TANC1: variants seen among roughly 807,000 people sequenced by gnomAD.
The protein encoded by TANC1 is protein TANC1.
In TANC1, 77 loss-of-function variants were observed where a neutral mutation model predicts 149.7. The observed-to-expected ratio is 0.51, with a 90% CI of 0.43 to 0.62. The LOEUF (loss-of-function observed/expected upper bound fraction) is 0.62, where lower values mean the gene tolerates loss of function less well. Ranked by LOEUF, TANC1 falls within the 20% of genes least tolerant of loss-of-function variation. The probability of loss-of-function intolerance (pLI) is 0.00; values close to 1 mark genes in which losing one functional copy is unlikely to be tolerated. For synonymous variants in TANC1, 854 were observed against 925.0 expected (o/e 0.92, Z 1.39); for missense variants, 1,985 against 2,321.8 (o/e 0.85, Z 2.98).
intron 2 of TANC1, among the ~76,000 whole-genome samples, chr2:159,059,670 G>T (rs1056341760): frequency 6.6e-6 from 1 of 152,052 alleles, no homozygotes; most frequent in African/African-American, 2.4e-5. Context: ...AGTCATATTG[G>T]CAAGGTCTCT....
At chr2:159,000,541 AG>A (rs1009750406) in intron 1 of TANC1, among the ~76,000 whole-genome samples, 3 of 152,020 alleles carry the variant, frequency 2.0e-5, no homozygotes, top group Non-Finnish European at 4.4e-5. Flanking sequence ...TTTCGGGCCC[AG>A]GGTATAGGTG....
At chr2:159,074,685 T>C (rs1019131480) in intron 3 of TANC1, among the ~76,000 whole-genome samples, 4 of 152,212 alleles carry the variant, frequency 2.6e-5, no homozygotes, top group African/African-American at 9.6e-5. Context: ...TAAAAATATT[T>C]TGATTTTTGA....
chr2:159,226,068 G>T, intron 24 of TANC1: 1 of 378,702 alleles, frequency 2.6e-6, no homozygotes, highest in Non-Finnish European at 4.9e-6. Context: ...TACTCGGGAG[G>T]CTGAGGCAGG....
intron 4 of TANC1, among the ~76,000 whole-genome samples, chr2:159,124,694 T>G (rs1305969503): frequency 6.6e-6 from 1 of 152,212 alleles, no homozygotes. Context: ...TTCAATTGTT[T>G]GTAGCTATTT....
At chr2:159,094,522 A>T (rs1050202433) in intron 3 of TANC1, among the ~76,000 whole-genome samples, 6 of 152,172 alleles carry the variant, frequency 3.9e-5, no homozygotes, top group African/African-American at 1.4e-4. Flanking sequence ...GTCAGAGGGC[A>T]TCCGGCTCCA....
chr2:159,215,586 C>T (rs1162965957), intron 19 of TANC1, among the ~76,000 whole-genome samples: 2 of 152,214 alleles, frequency 1.3e-5, no homozygotes, highest in Non-Finnish European at 2.9e-5. Flanking sequence ...TGTGTGCAGA[C>T]ACCAGCATCA....
rs139674568 is a variant in TANC1 at position 159,136,692 on chromosome 2, A to T, written c.364+394A>T. 6.0e-5 allele frequency among the ~76,000 whole-genome samples: 9 copies of T among 150,928 alleles called. No homozygotes were observed. In the East Asian group the frequency reaches 1.6e-3, roughly 27 times the overall value. On this transcript the variant is annotated intron_variant, in intron 5 of 26. Transcript: ENST00000263635. ...AGCTGAAACCTTAACTGGACAAAGCATGTAATTGCTAGCTTTAAAAAAAGC... is the reference window on the plus strand; with the variant it reads ...AGCTGAAACCTTAACTGGACAAAGCTTGTAATTGCTAGCTTTAAAAAAAGC...
At chr2:158,986,394 G>A (rs768995503) in intron 1 of TANC1, among the ~76,000 whole-genome samples, 7 of 152,182 alleles carry the variant, frequency 4.6e-5, no homozygotes, top group African/African-American at 1.4e-4. Flanking sequence ...ATGCCCAGTC[G>A]GTGGTTGGAA....
At chr2:159,217,869 A>G (rs2059449949) in intron 20 of TANC1, among the ~76,000 whole-genome samples, 1 of 152,232 alleles carries the variant, frequency 6.6e-6, no homozygotes, top group South Asian at 2.1e-4. Context: ...AGACACAGCC[A>G]CTGCCTTCAG....
intron 16 of TANC1, among the ~76,000 whole-genome samples, chr2:159,193,963 A>G (rs1188460659): frequency 6.6e-6 from 1 of 151,974 alleles, no homozygotes; most frequent in Admixed American, 6.6e-5. Flanking sequence ...GCCCCAAGCA[A>G]TCCTCCCACC....
At chr2:159,226,743 C>T (rs1225450241) in intron 24 of TANC1, 1 of 152,190 alleles carries the variant, frequency 6.6e-6, no homozygotes, top group East Asian at 1.9e-4. Flanking sequence ...AAGGGCCAGA[C>T]AGTAAATGTT....
At chr2:159,129,137 C>G (rs2049811561) in intron 4 of TANC1, among the ~76,000 whole-genome samples, 1 of 152,168 alleles carries the variant, frequency 6.6e-6, no homozygotes, top group Non-Finnish European at 1.5e-5. Context: ...GTAAGATCCA[C>G]TTTAAATGCA....
chr2:159,172,150 A>G lies in TANC1; in HGVS notation c.1381A>G (p.Thr461Ala), dbSNP rs2055328036. 4 of 1,614,150 alleles carry G rather than the reference A, an allele frequency of 2.5e-6. No individual in the cohort carries two copies. Among genetic ancestry groups the G allele is most frequent in the Non-Finnish European group, 3.4e-6 (4 of 1,180,024 alleles). The change falls in exon 11 of 27, where the codon ACT becomes GCT. Residue 461 changes from threonine to alanine, a missense_variant. This residue lies in a region of TANC1 where 557 missense variants were observed against 612.9 expected (regional missense o/e 0.91). Transcript: ENST00000263635. ...TSDPTQDLHF[T>A]PLLSPSSSTS... ...TGACCCCACTCAGGATCTTCATTTC[A>G]CTCCGTTGCTTTCACCGAGTTCTTC...
chr2:159,106,837 C>T (rs568728684), intron 4 of TANC1, among the ~76,000 whole-genome samples: 1 of 152,270 alleles, frequency 6.6e-6, no homozygotes, highest in South Asian at 2.1e-4. Context: ...CTTGTATTGT[C>T]TTTTTTATTA....
intron 22 of TANC1, 125 bp downstream of exon 22, chr2:159,219,992 G>GTA (rs2059594037): frequency 1.6e-6 from 1 of 634,524 alleles, no homozygotes; most frequent in Non-Finnish European, 2.5e-6. Context: ...GTGTGTGTGT[G>GTA]TGTGTGTGTG....
intron 2 of TANC1, among the ~76,000 whole-genome samples, chr2:159,051,968 A>G (rs1237798300): frequency 6.6e-6 from 1 of 152,128 alleles, no homozygotes; most frequent in East Asian, 1.9e-4. Flanking sequence ...TCTGAATTAT[A>G]TTTATCTTCC....
chr2:159,063,956 G>A (rs1052967851), intron 2 of TANC1, among the ~76,000 whole-genome samples: 1 of 152,130 alleles, frequency 6.6e-6, no homozygotes, highest in African/African-American at 2.4e-5. Flanking sequence ...CAATGATCCA[G>A]GTAAACACAC....
At chr2:159,046,542 A>G (rs2041055814) in intron 2 of TANC1, among the ~76,000 whole-genome samples, 1 of 140,990 alleles carries the variant, frequency 7.1e-6, no homozygotes, top group African/African-American at 2.5e-5. Flanking sequence ...TTCCTCATCA[A>G]AGCTGTCTCT....
chr2:159,031,853 G>T (rs1010684163), intron 2 of TANC1, among the ~76,000 whole-genome samples: 1 of 152,122 alleles, frequency 6.6e-6, no homozygotes, highest in Non-Finnish European at 1.5e-5. Flanking sequence ...TTATTCCTTG[G>T]CTCTGTATGT....
Sources: gnomAD v4.1 joint callset for allele counts (sites outside exome capture counted in the v4.1 genomes callset) on GRCh38, gnomAD v4.1.1 for gene constraint, gnomAD v4.1.1 regional missense constraint, MANE v1.5 for transcripts, NCBI Gene and HGNC (gene_info 2026-07-23, HGNC 2026-07-21) for gene names.